The following DNAH9 variants were observed in gnomAD, a reference collection of about 807,000 sequenced individuals.
The protein encoded by DNAH9 is dynein axonemal heavy chain 9.
A neutral mutation model predicts 471.6 loss-of-function variants in DNAH9; 345 were observed. The observed-to-expected ratio is 0.73, with a 90% CI of 0.67 to 0.80. The LOEUF is 0.80. Among genes scored for constraint, DNAH9 ranks in the 30% least tolerant of loss-of-function variants. DNAH9 has a pLI of 0.00. For missense variants in DNAH9, 5,407 were observed against 5,609.2 expected (o/e 0.96, Z 1.15); for synonymous variants, 2,093 against 2,123.6 (o/e 0.99, Z 0.40).
Position 11,744,853 on chromosome 17 carries a change from C to T in DNAH9, c.6168C>T (p.Ser2056=), listed in dbSNP as rs2075493771. ...AGTCCGTGCTGGTGGTGGCAGGATC[C>T]CTGAAGAGAGGAGACCCTGACCGGC... ...AIKSVLVVAG[S]LKRGDPDRPE... Residue 2056 remains serine (S), a synonymous_variant, in exon 31 of 69, where the codon TCC becomes TCT. Transcript: ENST00000262442. The T allele has an allele frequency of 1.2e-6, 2 of 1,614,122 alleles. No homozygotes were observed. The highest frequency in any genetic ancestry group is 1.7e-6 in the Non-Finnish European group (2 of 1,180,002).
chr17:11,882,299 A>G (rs1473477052), intron 55 of DNAH9, among the ~76,000 whole-genome samples: 1 of 152,144 alleles, frequency 6.6e-6, no homozygotes, highest in Non-Finnish European at 1.5e-5. Context: ...ACCTCATTTA[A>G]CCTTAATTAC....
intron 27 of DNAH9, among the ~76,000 whole-genome samples, chr17:11,725,275 A>G (rs2075132185): frequency 6.6e-6 from 1 of 152,204 alleles, no homozygotes; most frequent in African/African-American, 2.4e-5. Flanking sequence ...CTCCTCAGAC[A>G]GGATGTCCCT....
chr17:11,642,535 A>G (rs1293867592), intron 10 of DNAH9, among the ~76,000 whole-genome samples: 2 of 152,156 alleles, frequency 1.3e-5, no homozygotes. Context: ...CTGGGCAACA[A>G]GAGCGAAACT....
At chr17:11,817,982 A>T (rs934915705) in intron 45 of DNAH9, among the ~76,000 whole-genome samples, 10 of 152,204 alleles carry the variant, frequency 6.6e-5, no homozygotes, top group Middle Eastern at 3.2e-3. Context: ...GAAGTCCGTA[A>T]TTTGCTGGAA....
intron 49 of DNAH9, among the ~76,000 whole-genome samples, chr17:11,850,034 G>C (rs998674319): frequency 6.6e-6 from 1 of 152,182 alleles, no homozygotes; most frequent in Admixed American, 6.5e-5. Context: ...TCTAGCAGAA[G>C]TAAGGGGCAA....
chr17:11,686,165 G>A (rs1014748423), intron 19 of DNAH9, among the ~76,000 whole-genome samples: 3 of 152,076 alleles, frequency 2.0e-5, no homozygotes, highest in Non-Finnish European at 4.4e-5. Flanking sequence ...AGATACAGAC[G>A]GTACTGAGAT....
intron 49 of DNAH9, among the ~76,000 whole-genome samples, chr17:11,852,281 A>AT (rs1971450407): frequency 6.6e-6 from 1 of 152,196 alleles, no homozygotes; most frequent in African/African-American, 2.4e-5. Context: ...GTTTCACAGC[A>AT]TTTTAAGAGC....
intron 61 of DNAH9, among the ~76,000 whole-genome samples, chr17:11,906,926 G>A (rs751300848): frequency 1.3e-5 from 2 of 152,136 alleles, no homozygotes; most frequent in Middle Eastern, 3.2e-3. Flanking sequence ...GCTTAATACC[G>A]AGGTGATGGG....
In DNAH9 at chr17:11,932,307, T is replaced by C; in HGVS notation, c.12297+102T>C. ...AGGGGTCTAGGATGGGGCCTGAGAA[T>C]GTGCATTTCTAACAAGCTCCCTCGT... On this transcript the variant is annotated intron_variant, in intron 64 of 68. Transcript: ENST00000262442. The surrounding 1 kb of genome is among the most constrained non-coding windows in gnomAD (Gnocchi z 4.3). 1.6e-6 allele frequency: 2 copies of C among 1,222,060 alleles called. No homozygotes were observed. The highest frequency in any genetic ancestry group is 2.5e-5 in the East Asian group (1 of 39,934). The allele number at this position is 1,222,060 out of a possible 1,614,324, so 75.7% of individuals were successfully genotyped here.
At chr17:11,861,521 G>A (rs1176702142) in intron 50 of DNAH9, among the ~76,000 whole-genome samples, 3 of 151,802 alleles carry the variant, frequency 2.0e-5, no homozygotes, top group Non-Finnish European at 2.9e-5. Context: ...ATGATTTATA[G>A]TCCTTTGGGT....
chr17:11,657,230 T>C (rs533222250), intron 14 of DNAH9, among the ~76,000 whole-genome samples: 1 of 152,242 alleles, frequency 6.6e-6, no homozygotes, highest in South Asian at 2.1e-4. Context: ...AAATTGTGGG[T>C]TTATGTTGTG....
At chr17:11,967,324 C>T (rs1976822280) in intron 68 of DNAH9, among the ~76,000 whole-genome samples, 1 of 151,928 alleles carries the variant, frequency 6.6e-6, no homozygotes, top group Non-Finnish European at 1.5e-5. Context: ...CCAGGCTGGC[C>T]TCCAACTCCT....
chr17:11,882,897 A>G (rs1480217265), intron 55 of DNAH9: 2 of 980,040 alleles, frequency 2.0e-6, no homozygotes, highest in Non-Finnish European at 2.4e-6. Context: ...CAGGATCAAG[A>G]TATGTGGTTT....
chr17:11,850,771 C>T (rs1971392238), intron 49 of DNAH9, among the ~76,000 whole-genome samples: 1 of 152,108 alleles, frequency 6.6e-6, no homozygotes, highest in Non-Finnish European at 1.5e-5. Flanking sequence ...GATCTTTACC[C>T]AGGGATTTTT....
chr17:11,740,536 C>T (rs1436007450), intron 29 of DNAH9, among the ~76,000 whole-genome samples: 2 of 152,154 alleles, frequency 1.3e-5, no homozygotes, highest in Non-Finnish European at 2.9e-5. Context: ...TCCAAAGGCC[C>T]ATCTCCAAAT....
At chr17:11,768,888 G>A (rs1226159868) in intron 37 of DNAH9, among the ~76,000 whole-genome samples, 1 of 152,162 alleles carries the variant, frequency 6.6e-6, no homozygotes, top group Non-Finnish European at 1.5e-5. Context: ...AGAGAAAGAG[G>A]CCCGGGTGGT....
At chr17:11,857,488 T>C (rs1434970940) in intron 50 of DNAH9, among the ~76,000 whole-genome samples, 2 of 152,134 alleles carry the variant, frequency 1.3e-5, no homozygotes, top group Non-Finnish European at 2.9e-5. Flanking sequence ...CAGGGCCATT[T>C]CCAGCCTAGT....
intron 66 of DNAH9, among the ~76,000 whole-genome samples, chr17:11,938,883 G>C (rs944222301): frequency 5.3e-5 from 8 of 152,164 alleles, no homozygotes; most frequent in African/African-American, 1.4e-4. Context: ...ATAGGTGTGA[G>C]CCACTGCACC....
chr17:11,896,273 T>C (rs2041072), intron 59 of DNAH9, among the ~76,000 whole-genome samples: 115,041 of 152,082 alleles, frequency 0.76, 45,997 homozygotes, highest in Non-Finnish European at 0.89. Flanking sequence ...ATATTTTACT[T>C]TGGAGGGACA....
Sources: allele counts gnomAD v4.1 joint callset (sites outside exome capture counted in the v4.1 genomes callset), GRCh38; gene constraint gnomAD v4.1.1; non-coding constraint Gnocchi (gnomAD v3.1); transcripts MANE v1.5; gene names NCBI Gene and HGNC (gene_info 2026-07-23, HGNC 2026-07-21).